The following SEPTIN3 variants were observed in gnomAD, a reference collection of about 807,000 sequenced individuals.
SEPTIN3 encodes the protein septin 3, also known as neuronal-specific septin-3.
SEPTIN3 carries 15 observed loss-of-function variants against 45.1 expected under a neutral mutation model. That is an observed-to-expected ratio of 0.33 (90% confidence interval 0.22 to 0.51). The LOEUF is 0.51. SEPTIN3 is among the 20% of genes least tolerant of loss of function. SEPTIN3 has a pLI of 0.97. For synonymous variants in SEPTIN3, 148 were observed against 164.8 expected (o/e 0.90, Z 0.78); for missense variants, 289 against 457.2 (o/e 0.63, Z 3.35).
chr22:41,984,735 G>T (rs1442851860), intron 3 of SEPTIN3, among the ~76,000 whole-genome samples: 2 of 151,030 alleles, frequency 1.3e-5, no homozygotes, highest in Non-Finnish European at 3.0e-5. Flanking sequence ...CACCATGTTG[G>T]CCAGGCTGGT....
At chr22:41,980,425 C>G (rs1250124019) in intron 2 of SEPTIN3, among the ~76,000 whole-genome samples, 2 of 152,096 alleles carry the variant, frequency 1.3e-5, no homozygotes, top group East Asian at 3.9e-4. Context: ...CGTGAGCCAC[C>G]GCGCCCGGCC....
At chr22:41,980,752 T>G (rs2078108177) in intron 2 of SEPTIN3, among the ~76,000 whole-genome samples, 2 of 152,124 alleles carry the variant, frequency 1.3e-5, no homozygotes, top group African/African-American at 2.4e-5. Flanking sequence ...CCTTCCTCAC[T>G]AGGGAGGGGC....
rs145151640 is a variant in SEPTIN3, at chr22:41,994,091, A to G, written c.2360-199A>G. 1.4e-3 allele frequency among the ~76,000 whole-genome samples: 215 copies of G among 152,294 alleles called. 4 individuals carry two copies. In the East Asian group the frequency reaches 0.039, roughly 28 times the overall value. ...CAGCGTCTAGAAGGATGTCGTGCCCATTGTAGCTGCTTAATATTTGTTCAA... is the reference window on the plus strand; with the variant it reads ...CAGCGTCTAGAAGGATGTCGTGCCCGTTGTAGCTGCTTAATATTTGTTCAA... On this transcript the variant is annotated intron_variant, in intron 9 of 11. Transcript: ENST00000644076. This position sits in a 1 kb window ranked among gnomAD's most constrained non-coding sequence, Gnocchi z 4.2.
intron 2 of SEPTIN3, among the ~76,000 whole-genome samples, chr22:41,975,213 G>A (rs755645002): frequency 5.3e-5 from 8 of 152,176 alleles, no homozygotes; most frequent in Admixed American, 3.9e-4. Flanking sequence ...GAAAGCCTGT[G>A]ACATGCCTAA....
rs2078027040 is a variant in SEPTIN3 at position 41,976,722 on chromosome 22, GCGCGGGCGC to G, written c.1504+3733_1504+3741del. ...ACCCGGGACCAGTTCCCGCTTGCGG[GCGCGGGCGC>G]CGCGGGAAGGGGAGGGGCCCTCGGC... On this transcript the variant is annotated intron_variant, in intron 2 of 11. Transcript: ENST00000644076. This position sits in a 1 kb window ranked among gnomAD's most constrained non-coding sequence, Gnocchi z 5.8. 1 of 152,538 alleles carries G rather than the reference GCGCGGGCGC, an allele frequency of 6.6e-6. No individual in the cohort carries two copies. The highest frequency in any genetic ancestry group is 1.8e-4 in the South Asian group (1 of 5,654). The allele number at this position is 152,538 out of a possible 1,614,324, so 9.4% of individuals were successfully genotyped here.
intron 11 of SEPTIN3, chr22:41,995,590 T>C: frequency 1.0e-6 from 1 of 985,354 alleles, no homozygotes; most frequent in Non-Finnish European, 1.2e-6. Context: ...TGAATCTACT[T>C]TAGGTTCATT....
chr22:41,989,518 T>G (rs1346298162), intron 6 of SEPTIN3, 49 bp from the exon 7 acceptor site: 1 of 1,252,322 alleles, frequency 8.0e-7, no homozygotes, highest in South Asian at 1.2e-5. Flanking sequence ...GGTGGCTGAG[T>G]TGGGGAGGGC....
In SEPTIN3 at chr22:41,994,243, A is replaced by G. The variant is rs1349626786; in HGVS notation, c.2360-47A>G. 4 of 1,590,316 alleles carry G rather than the reference A, an allele frequency of 2.5e-6. No homozygotes were observed. In the African/African-American group the frequency reaches 5.4e-5, roughly 21 times the overall value. ...AAGCTCACCTCCTGGGTGTTGCTGT[A>G]TTAATGAACTGACTACCTGTTTTGC... On this transcript the variant is annotated intron_variant, in intron 9 of 11. Transcript: ENST00000644076. This position sits in a 1 kb window ranked among gnomAD's most constrained non-coding sequence, Gnocchi z 4.2.
At chr22:41,996,231 A>G in intron 11 of SEPTIN3, 2 of 984,980 alleles carry the variant, frequency 2.0e-6, no homozygotes, top group Non-Finnish European at 2.4e-6. Flanking sequence ...TTATTAATGC[A>G]TATATTTCCC....
intron 7 of SEPTIN3, among the ~76,000 whole-genome samples, chr22:41,991,062 TCAAA>T (rs776396548): frequency 9.2e-5 from 14 of 151,706 alleles, no homozygotes; most frequent in Admixed American, 2.0e-4. Context: ...AGACTCGGTC[TCAAA>T]CAAACAAACA....
intron 7 of SEPTIN3, among the ~76,000 whole-genome samples, chr22:41,990,377 C>G (rs934206384): frequency 6.6e-6 from 1 of 151,800 alleles, no homozygotes; most frequent in African/African-American, 2.4e-5. Context: ...TCTATAAGCT[C>G]AGCCCTGTGC....
Position 41,985,991 on chromosome 22 carries a change from T to G in SEPTIN3, c.1704T>G (p.Ser568Arg), listed in dbSNP as rs768718382. 1.9e-6 allele frequency: 3 copies of G among 1,608,532 alleles called. No homozygotes were observed. Among genetic ancestry groups the G allele is most frequent in the Non-Finnish European group, 8.5e-7 (1 of 1,177,478 alleles). ...FDFNIMVVGQ[S>R]GLGKSTLVNT... ...CCTCCTGCTTTGCTGTAGGCCAGAG[T>G]GGACTGGGCAAATCAACGCTGGTCA... The change falls in exon 4 of 12, where the codon AGT becomes AGG. Residue 568 changes from serine (S) to arginine (R), a missense_variant. By Grantham distance (110) the Ser-to-Arg change is moderately radical. Transcript: ENST00000644076.
At chr22:41,990,601 C>G (rs1019240963) in intron 7 of SEPTIN3, among the ~76,000 whole-genome samples, 1 of 150,238 alleles carries the variant, frequency 6.7e-6, no homozygotes, top group African/African-American at 2.5e-5. Flanking sequence ...AAAAAATTAG[C>G]CGGGTGTGGT....
At chr22:41,996,653 C>T in intron 11 of SEPTIN3, 1 of 1,322,936 alleles carries the variant, frequency 7.6e-7, no homozygotes, top group South Asian at 1.9e-5. Flanking sequence ...AGCAGCAGCG[C>T]TACAGCCCAG....
chr22:41,970,074 C>G (rs1201755629), intron 1 of SEPTIN3, among the ~76,000 whole-genome samples: 1 of 151,988 alleles, frequency 6.6e-6, no homozygotes, highest in Non-Finnish European at 1.5e-5. Flanking sequence ...GGTGCCCTGC[C>G]TTCCCCGTCC....
intron 1 of SEPTIN3, among the ~76,000 whole-genome samples, chr22:41,971,273 C>T (rs1471021439): frequency 2.6e-5 from 4 of 152,096 alleles, no homozygotes; most frequent in Admixed American, 6.5e-5. Flanking sequence ...GTATGAGGTA[C>T]AGATCAGTCT....
intron 2 of SEPTIN3, chr22:41,977,021 C>T (rs1010556357): frequency 1.9e-6 from 3 of 1,585,722 alleles, no homozygotes; most frequent in African/African-American, 2.8e-5. Context: ...TGCAGCCCCG[C>T]GCCCGGAGCA....
At position 41,972,822 on chromosome 22, in the gene SEPTIN3, G is replaced by T; in HGVS notation, c.1330G>T (p.Asp444Tyr). 2.5e-6 allele frequency: 1 copy of T among 399,120 alleles called. No individual in the cohort carries two copies. The highest frequency in any genetic ancestry group is 1.3e-4 in the South Asian group (1 of 7,850). 24.7% of individuals were successfully genotyped at this position (399,120 alleles called of 1,614,324 possible). Residue 444 changes from aspartate (D) to tyrosine (Y), a missense_variant, in exon 2 of 12, where the codon GAC becomes TAC. Physicochemically the swap from Asp to Tyr is radical, Grantham distance 160. Around this residue, in one of 3 missense-constraint regions of SEPTIN3, gnomAD observed 200 missense variants for 315.1 expected, o/e 0.63. Transcript: ENST00000644076. ...GGGTTCAGTTGTGCCAGTAACCCCA[G>T]ACCCAGCCACTGGGAAGACCACACT... ...AVGSVVPVTP[D>Y]PATGKTTLGS...
At chr22:41,986,355 A>G (rs888157625) in intron 4 of SEPTIN3, among the ~76,000 whole-genome samples, 2 of 152,170 alleles carry the variant, frequency 1.3e-5, no homozygotes, top group Non-Finnish European at 2.9e-5. Flanking sequence ...TTAGACAGGT[A>G]GAAAGAGGTA....
Sources: gnomAD v4.1 joint callset for allele counts (sites outside exome capture counted in the v4.1 genomes callset) on GRCh38, gnomAD v4.1.1 for gene constraint, gnomAD v4.1.1 regional missense constraint, Gnocchi (gnomAD v3.1) non-coding constraint, MANE v1.5 for transcripts, NCBI Gene and HGNC (gene_info 2026-07-23, HGNC 2026-07-21) for gene names.